Variants in COMMD1 observed in about 807,000 individuals in gnomAD.
COMMD1 encodes the protein COMM domain-containing protein 1.
Under a neutral mutation model 17.2 loss-of-function variants are expected in COMMD1, and 10 were observed. That is an observed-to-expected ratio of 0.58 (90% confidence interval 0.36 to 0.99). COMMD1 has a LOEUF of 0.99. Ranked by LOEUF, COMMD1 falls within the 50% of genes least tolerant of loss-of-function variation. COMMD1 has a pLI of 0.01. For missense variants in COMMD1, 270 were observed against 231.8 expected (o/e 1.17, Z -1.07); for synonymous variants, 97 against 91.6 (o/e 1.06, Z -0.34).
chr2:61,896,893 G>A (rs183276614), intron 1 of COMMD1, among the ~76,000 whole-genome samples: 2 of 138,886 alleles, frequency 1.4e-5, no homozygotes, highest in East Asian at 4.3e-4. Context: ...GCACCATCTT[G>A]ATCTCGGCTC....
At chr2:61,902,846 AAAATT>A (rs1336068710), upstream of COMMD1, among the ~76,000 whole-genome samples, 2 of 152,180 alleles carry the variant, frequency 1.3e-5, no homozygotes, top group Non-Finnish European at 2.9e-5. Flanking sequence ...CTCTGTCTCA[AAAATT>A]AAATTAAATG....
intron 2 of COMMD1, among the ~76,000 whole-genome samples, chr2:62,077,483 G>A (rs1037714030): frequency 1.3e-5 from 2 of 152,046 alleles, no homozygotes; most frequent in African/African-American, 2.4e-5. Context: ...ACCAAACAGC[G>A]TTGACATTGT....
intron 1 of COMMD1, among the ~76,000 whole-genome samples, chr2:61,933,003 C>T (rs1181902822): frequency 6.6e-6 from 1 of 152,016 alleles, no homozygotes; most frequent in Non-Finnish European, 1.5e-5. Flanking sequence ...GTCACACAAA[C>T]AGATTGAAGG....
Position 62,060,344 on chromosome 2 carries a change from A to G in COMMD1, c.462+59362A>G, listed in dbSNP as rs532537855. Reference sequence around the variant, plus strand: ...AGATGCTGTCTCCAAAAATAAATAAATAAATAAAACAATACCATTTCATTT... The same window carrying G: ...AGATGCTGTCTCCAAAAATAAATAAGTAAATAAAACAATACCATTTCATTT... On this transcript the variant is annotated intron_variant, in intron 2 of 2. Transcript: ENST00000311832. 2.0e-5 allele frequency among the ~76,000 whole-genome samples: 3 copies of G among 152,230 alleles called. No individual in the cohort carries two copies. The South Asian group carries it at 6.2e-4, about 32-fold the overall frequency.
intron 1 of COMMD1, among the ~76,000 whole-genome samples, chr2:61,889,709 A>C (rs1669376182): frequency 6.6e-6 from 1 of 152,060 alleles, no homozygotes; most frequent in African/African-American, 2.4e-5. Context: ...GTATTGGTTG[A>C]TACTGGGTGG....
chr2:61,954,363 T>A lies in COMMD1; in HGVS notation c.181-46338T>A, dbSNP rs543627185. On this transcript the variant is annotated intron_variant, in intron 1 of 2. Coordinates refer to ENST00000311832, the MANE Select transcript of COMMD1 (RefSeq NM_152516.4). ...ATAACATTTTGTATACAAGGCTGGT[T>A]TATGAGTTATAGCAGATCAATTAGT... Among the ~76,000 whole-genome samples the A allele has an allele frequency of 9.2e-5, 14 of 152,272 alleles. No homozygotes were observed. The East Asian group carries it at 2.5e-3, about 27-fold the overall frequency.
intron 2 of COMMD1, among the ~76,000 whole-genome samples, chr2:62,085,651 A>G (rs1671641694): frequency 6.6e-6 from 1 of 151,942 alleles, no homozygotes; most frequent in Non-Finnish European, 1.5e-5. Flanking sequence ...CAGCCTGGGC[A>G]ATAGAGTGAG....
intron 2 of COMMD1, among the ~76,000 whole-genome samples, chr2:62,029,223 C>G (rs920287002): frequency 2.9e-4 from 44 of 152,030 alleles, no homozygotes; most frequent in African/African-American, 9.7e-4. Flanking sequence ...TTGTTATACT[C>G]TTTGGGCACA....
intron 2 of COMMD1, among the ~76,000 whole-genome samples, chr2:62,044,932 ACAT>A (rs1442073317): frequency 2.0e-5 from 3 of 152,172 alleles, no homozygotes; most frequent in Non-Finnish European, 2.9e-5. Context: ...TGTGTTACAG[ACAT>A]TGGGGAACTA....
intron 1 of COMMD1, among the ~76,000 whole-genome samples, chr2:61,961,082 G>T (rs1439351534): frequency 6.6e-6 from 1 of 152,222 alleles, no homozygotes; most frequent in East Asian, 1.9e-4. Flanking sequence ...GGAGCCCCAC[G>T]TTGGAGCACC....
chr2:61,907,807 C>G (rs1669810538), intron 1 of COMMD1, among the ~76,000 whole-genome samples: 1 of 152,118 alleles, frequency 6.6e-6, no homozygotes. Flanking sequence ...TCTCCTGTCT[C>G]AGCCTCCTGT....
chr2:62,053,868 T>C (rs1407247394), intron 2 of COMMD1, among the ~76,000 whole-genome samples: 1 of 152,214 alleles, frequency 6.6e-6, no homozygotes, highest in Non-Finnish European at 1.5e-5. Context: ...AAATGGAACT[T>C]AAACTTTCTG....
At chr2:61,964,264 A>G (rs1671447994) in intron 1 of COMMD1, among the ~76,000 whole-genome samples, 1 of 151,986 alleles carries the variant, frequency 6.6e-6, no homozygotes, top group Non-Finnish European at 1.5e-5. Context: ...TCTGTTGCCT[A>G]GGCTGGAGTG....
intron 2 of COMMD1, among the ~76,000 whole-genome samples, chr2:62,125,761 C>CT (rs1433566636): frequency 1.3e-5 from 2 of 151,894 alleles, no homozygotes; most frequent in African/African-American, 2.4e-5. Context: ...CAAATTCTCT[C>CT]TTTTTTTTAA....
At chr2:62,082,483 A>C in intron 2 of COMMD1, among the ~76,000 whole-genome samples, 1 of 152,148 alleles carries the variant, frequency 6.6e-6, no homozygotes, top group East Asian at 1.9e-4. Flanking sequence ...GTGGGCAGTG[A>C]CTAGCTCTCC....
At chr2:62,135,726 G>A (rs1673175988) in intron 2 of COMMD1, 105 bp from the exon 3 acceptor site, 1 of 742,104 alleles carries the variant, frequency 1.3e-6, no homozygotes, top group South Asian at 1.4e-5. Context: ...TAAGGTCTGA[G>A]CTGGGCTTGC....
At chr2:62,107,223 GTTTTC>G (rs1393971790) in intron 2 of COMMD1, among the ~76,000 whole-genome samples, 6 of 152,148 alleles carry the variant, frequency 3.9e-5, no homozygotes, top group Non-Finnish European at 7.4e-5. Context: ...CTTCTAGGAT[GTTTTC>G]TTTAAAAGAA....
chr2:62,003,755 A>G (rs1669033309), intron 2 of COMMD1, among the ~76,000 whole-genome samples: 9 of 152,100 alleles, frequency 5.9e-5, no homozygotes, highest in Non-Finnish European at 1.5e-5. Context: ...TTTTGTCTAT[A>G]TTTAACATTT....
At chr2:62,075,973 C>T (rs1255673754) in intron 2 of COMMD1, among the ~76,000 whole-genome samples, 3 of 152,194 alleles carry the variant, frequency 2.0e-5, no homozygotes, top group Non-Finnish European at 4.4e-5. Flanking sequence ...AGACCTTTTT[C>T]TCTGAATTCT....
Sources: allele counts gnomAD v4.1 joint callset (sites outside exome capture counted in the v4.1 genomes callset), GRCh38; gene constraint gnomAD v4.1.1; transcripts MANE v1.5; gene names NCBI Gene and HGNC (gene_info 2026-07-23, HGNC 2026-07-21).